PARL: variants seen among roughly 807,000 people sequenced by gnomAD.
PARL encodes presenilin-associated rhomboid-like protein, mitochondrial.
PARL carries 44 observed loss-of-function variants against 51.6 expected under a neutral mutation model. That is an observed-to-expected ratio of 0.85 (90% CI 0.67 to 1.10). The LOEUF (loss-of-function observed/expected upper bound fraction) is 1.10, where lower values mean the gene tolerates loss of function less well. Among genes scored for constraint, PARL ranks in the 50% least tolerant of loss-of-function variants. The pLI, the probability that PARL is intolerant of heterozygous loss-of-function variation, is 0.00. For synonymous variants in PARL, 172 were observed against 164.0 expected (o/e 1.05, Z -0.37); for missense variants, 441 against 469.5 (o/e 0.94, Z 0.56).
Position 183,833,380 on chromosome 3 carries a change from G to A in PARL, c.1028+112C>T, listed in dbSNP as rs946486487. The A allele has an allele frequency of 1.2e-5, 9 of 755,446 alleles. No homozygotes were observed. In the East Asian group the frequency reaches 1.3e-4, roughly 11 times the overall value. 46.8% of individuals were successfully genotyped at this position (755,446 alleles called of 1,614,324 possible). A position where few individuals can be genotyped will look rare whatever the true frequency, so the allele number is the denominator to read the frequency against. ...CCCAAGCCCACCTGCTTCTGCTTCC[G>A]TTGCATAGTTCAATGTCTCTGCCAT... On this transcript the variant is annotated intron_variant, in intron 9 of 9. Transcript: ENST00000317096.
chr3:183,874,879 C>G (rs1305326997), intron 1 of PARL, among the ~76,000 whole-genome samples: 1 of 152,112 alleles, frequency 6.6e-6, no homozygotes, highest in Non-Finnish European at 1.5e-5. Flanking sequence ...TGAAACCAAC[C>G]TGGGCACCAT....
chr3:183,829,428 C>A lies in PARL; in HGVS notation c.*170G>T. The A allele has an allele frequency of 1.3e-6, 2 of 1,571,492 alleles. No homozygotes were observed. Among genetic ancestry groups the A allele is most frequent in the Admixed American group, 1.8e-5 (1 of 54,890 alleles). On this transcript the variant is annotated 3_prime_UTR_variant, in exon 10 of 10. Transcript: ENST00000317096. ...AGAAACCTTTATTTCACAACTTTAT[C>A]ATCATTCACATTCTAAAAAGACACG...
At chr3:183,826,584 C>G, downstream of PARL, 1 of 985,346 alleles carries the variant, frequency 1.0e-6, no homozygotes, top group Admixed American at 6.1e-5. Context: ...AGTCAGAAAA[C>G]AGATTCATCT....
At chr3:183,866,852 T>C (rs1732542361) in intron 2 of PARL, 87 bp from the exon 3 acceptor site, 2 of 993,384 alleles carry the variant, frequency 2.0e-6, no homozygotes, top group Non-Finnish European at 3.1e-6. Context: ...TCACTGTCAT[T>C]GCTTTTTACA....
intron 4 of PARL, among the ~76,000 whole-genome samples, chr3:183,856,821 T>A (rs928884111): frequency 6.6e-6 from 1 of 152,244 alleles, no homozygotes; most frequent in Non-Finnish European, 1.5e-5. Context: ...ACATTTAAAA[T>A]GGTACACAAC....
chr3:183,874,371 AACAGTCAC>A (rs1284559240), intron 1 of PARL, among the ~76,000 whole-genome samples: 2 of 152,038 alleles, frequency 1.3e-5, no homozygotes, highest in African/African-American at 4.8e-5. Flanking sequence ...AGCTGAAAGG[AACAGTCAC>A]ATGTCTCTGG....
intron 4 of PARL, among the ~76,000 whole-genome samples, chr3:183,861,864 C>T (rs1451979022): frequency 1.3e-5 from 2 of 152,166 alleles, no homozygotes; most frequent in African/African-American, 4.8e-5. Flanking sequence ...CAACCTCTGC[C>T]TCCCAGGTTC....
intron 1 of PARL, among the ~76,000 whole-genome samples, chr3:183,877,716 T>G (rs1369300908): frequency 6.6e-6 from 1 of 152,152 alleles, no homozygotes; most frequent in Non-Finnish European, 1.5e-5. Flanking sequence ...TTATTAGAAT[T>G]TTTTAGTAAT....
At chr3:183,835,815 A>G (rs762196106) in intron 7 of PARL, among the ~76,000 whole-genome samples, 1 of 152,132 alleles carries the variant, frequency 6.6e-6, no homozygotes, top group Non-Finnish European at 1.5e-5. Flanking sequence ...AGCCTGGGCG[A>G]CAGAGTGACA....
In PARL at chr3:183,833,805, G is replaced by C. The variant is rs756504302; in HGVS notation, c.849C>G (p.Val283=). The change falls in exon 8 of 10, where the codon GTC becomes GTG. Residue 283 remains valine (V), a synonymous_variant. Coordinates refer to ENST00000317096, the MANE Select transcript of PARL (RefSeq NM_018622.7). ...GGATCTTAGTGCAGACAGCTGCGAG[G>C]ACTGTCATGATGGCACCAGACTGCA... The part of the protein sequence containing the change: ...SLGASGAIMT[V]LAAVCTKIPE... 3.7e-5 allele frequency: 60 copies of C among 1,611,868 alleles called. No individual in the cohort carries two copies. The highest frequency in any genetic ancestry group is 3.3e-4 in the Middle Eastern group (2 of 6,084).
At chr3:183,867,126 G>A (rs61078988) in intron 2 of PARL, among the ~76,000 whole-genome samples, 17,607 of 151,906 alleles carry the variant, frequency 0.12, 1,383 homozygotes, top group East Asian at 0.27. Context: ...GTTGGCCAGA[G>A]GGGTCTCGAA....
chr3:183,864,122 T>C (rs901973363), intron 3 of PARL, among the ~76,000 whole-genome samples: 1 of 152,226 alleles, frequency 6.6e-6, no homozygotes, highest in Non-Finnish European at 1.5e-5. Context: ...TGGCTAGTTA[T>C]TGTCATTTTC....
At chr3:183,844,969 ATTAAC>A (rs1421788814) in intron 4 of PARL, among the ~76,000 whole-genome samples, 16 of 152,262 alleles carry the variant, frequency 1.1e-4, no homozygotes, top group Non-Finnish European at 1.8e-4. Context: ...CGATAATATA[ATTAAC>A]TTGTTACATT....
At chr3:183,843,109 C>A (rs1426389237) in intron 5 of PARL, 1 of 628,846 alleles carries the variant, frequency 1.6e-6, no homozygotes, top group Admixed American at 6.3e-5. Context: ...GTCTCGAACT[C>A]CTGAGCTCAA....
intron 1 of PARL, among the ~76,000 whole-genome samples, chr3:183,876,290 G>A (rs1327957050): frequency 1.3e-5 from 2 of 152,070 alleles, no homozygotes; most frequent in East Asian, 1.9e-4. Flanking sequence ...CAGGCGATCC[G>A]CCCGTGTTGG....
At chr3:183,874,650 C>T in intron 1 of PARL, among the ~76,000 whole-genome samples, 1 of 152,126 alleles carries the variant, frequency 6.6e-6, no homozygotes, top group East Asian at 1.9e-4. Context: ...TCACGTGATC[C>T]TCCCGCTTCG....
chr3:183,836,217 C>CAAAAAAAAAAAAA (rs56354792), intron 7 of PARL, among the ~76,000 whole-genome samples: 4 of 84,254 alleles, frequency 4.7e-5, no homozygotes, highest in African/African-American at 2.1e-4. Flanking sequence ...AACTCCATCT[C>CAAAAAAAAAAAAA]AAAAAAAAAA....
At chr3:183,837,478 A>G (rs892786228) in intron 7 of PARL, among the ~76,000 whole-genome samples, 7 of 152,342 alleles carry the variant, frequency 4.6e-5, no homozygotes, top group Admixed American at 3.9e-4. Flanking sequence ...AGGCGGTGTC[A>G]GCGGAAAGAA....
intron 6 of PARL, among the ~76,000 whole-genome samples, chr3:183,841,851 T>C (rs937551517): frequency 6.6e-6 from 1 of 152,172 alleles, no homozygotes; most frequent in Non-Finnish European, 1.5e-5. Flanking sequence ...ATAGCTCTGA[T>C]TTAAAGCTTT....
Sources: gnomAD v4.1 joint callset for allele counts (sites outside exome capture counted in the v4.1 genomes callset) on GRCh38, gnomAD v4.1.1 for gene constraint, MANE v1.5 for transcripts, NCBI Gene and HGNC (gene_info 2026-07-23, HGNC 2026-07-21) for gene names.